FAM174B: variants seen among roughly 807,000 people sequenced by gnomAD.
The protein encoded by FAM174B is membrane protein FAM174B.
FAM174B carries 12 observed loss-of-function variants against 10.9 expected under a neutral mutation model. The observed-to-expected ratio is 1.10, with a 90% CI of 0.71 to 1.79. The LOEUF (loss-of-function observed/expected upper bound fraction) is 1.79, where lower values mean the gene tolerates loss of function less well. Ranked by LOEUF, FAM174B falls within the 40% of genes most tolerant of loss-of-function variation. The probability of loss-of-function intolerance (pLI) is 0.00; values close to 1 mark genes in which losing one functional copy is unlikely to be tolerated. For synonymous variants in FAM174B, 132 were observed against 115.8 expected, an observed-to-expected ratio of 1.14 and a Z score of -0.90; for missense variants, 266 against 233.3, an observed-to-expected ratio of 1.14 and a Z score of -0.91.
At chr15:92,626,181 C>G (rs1017828907) in intron 2 of FAM174B, among the ~76,000 whole-genome samples, 4 of 138,360 alleles carry the variant, frequency 2.9e-5, no homozygotes, top group African/African-American at 1.1e-4. Context: ...TCACTGCAAT[C>G]TCTGCCTCCT....
chr15:92,648,597 C>A (rs285773), intron 1 of FAM174B, among the ~76,000 whole-genome samples: 107,045 of 152,058 alleles, frequency 0.7, 40,348 homozygotes, highest in Non-Finnish European at 0.84. Context: ...CAGTGACCTT[C>A]ACCAAGCCTC....
intron 2 of FAM174B, 57 bp downstream of exon 2, chr15:92,630,157 G>A: frequency 1.9e-6 from 3 of 1,589,380 alleles, no homozygotes; most frequent in Non-Finnish European, 2.6e-6. Flanking sequence ...CTGACCTCGA[G>A]GTCCCACCAA....
intron 2 of FAM174B, among the ~76,000 whole-genome samples, chr15:92,628,605 G>C (rs1015304319): frequency 8.5e-5 from 13 of 152,078 alleles, no homozygotes; most frequent in African/African-American, 3.1e-4. Flanking sequence ...TTTTCAAAGG[G>C]TGCTGCCCTT....
intron 2 of FAM174B, among the ~76,000 whole-genome samples, chr15:92,621,162 G>C (rs1423419240): frequency 6.6e-6 from 1 of 152,176 alleles, no homozygotes; most frequent in Non-Finnish European, 1.5e-5. Flanking sequence ...AAAACCATTT[G>C]TGTGCACACA....
chr15:92,650,233 G>C (rs934837598), intron 1 of FAM174B, among the ~76,000 whole-genome samples: 2 of 152,154 alleles, frequency 1.3e-5, no homozygotes, highest in Admixed American at 6.5e-5. Context: ...AAGTAGGAAA[G>C]TTCTCGTTCC....
At chr15:92,625,795 A>T (rs910191180) in intron 2 of FAM174B, among the ~76,000 whole-genome samples, 2 of 152,248 alleles carry the variant, frequency 1.3e-5, no homozygotes, top group African/African-American at 2.4e-5. Context: ...TTACCTCTGT[A>T]ATAAGAAAAG....
intron 1 of FAM174B, among the ~76,000 whole-genome samples, chr15:92,635,327 G>C (rs189111913): frequency 2.2e-4 from 33 of 152,266 alleles, no homozygotes; most frequent in African/African-American, 7.0e-4. Context: ...TCAACTCTCT[G>C]AAACACAACT....
chr15:92,653,729 G>A (rs540633071), intron 1 of FAM174B, among the ~76,000 whole-genome samples: 14 of 152,250 alleles, frequency 9.2e-5, no homozygotes, highest in Non-Finnish European at 1.5e-4. Context: ...GATGGGAGCT[G>A]GGCCTTGGTG....
intron 2 of FAM174B, 185 bp downstream of exon 2, chr15:92,630,029 A>G: frequency 2.1e-6 from 1 of 480,364 alleles, no homozygotes; most frequent in Non-Finnish European, 3.7e-6. Context: ...AGTCCCAGGT[A>G]TGTCTTTATT....
intron 1 of FAM174B, among the ~76,000 whole-genome samples, chr15:92,654,787 C>CA (rs5814547): frequency 0.49 from 66,902 of 136,836 alleles, 18,011 homozygotes; most frequent in East Asian, 0.72. Flanking sequence ...CTTTCAGTAG[C>CA]AAAAAAAAAA....
Position 92,630,769 on chromosome 15 carries a change from A to C in FAM174B, c.345-424T>G. Among the ~76,000 whole-genome samples, 2 of 135,982 alleles carry C rather than the reference A, an allele frequency of 1.5e-5. 1 individual carries two copies. Among genetic ancestry groups the C allele is most frequent in the Middle Eastern group, 7.8e-3 (2 of 256 alleles). The allele number at this position is 135,982 out of a possible 152,430, so 89.2% of individuals were successfully genotyped here. ...TTTATATTATATAATAATATATAAT[A>C]ATAATATATTTTATATATTACATAT... On this transcript the variant is annotated intron_variant, in intron 1 of 2. Transcript: ENST00000327355.
At chr15:92,619,901 G>T in intron 2 of FAM174B, 1 of 197,770 alleles carries the variant, frequency 5.1e-6, no homozygotes, top group Non-Finnish European at 1.0e-5. Context: ...CCATGGCTGT[G>T]TTCCAGTACA....
At chr15:92,643,064 T>C (rs2050901773) in intron 1 of FAM174B, among the ~76,000 whole-genome samples, 1 of 152,126 alleles carries the variant, frequency 6.6e-6, no homozygotes, top group African/African-American at 2.4e-5. Context: ...GAATGTATTC[T>C]AAAATTGATT....
intron 1 of FAM174B, chr15:92,653,202 C>A (rs552301472): frequency 6.6e-6 from 1 of 152,176 alleles, no homozygotes; most frequent in East Asian, 1.9e-4. Context: ...CCTATGAAGT[C>A]GTAAACTTCT....
rs550901731 is a variant in FAM174B, at chr15:92,617,960, G to A, written c.*1496C>T. On this transcript the variant is annotated 3_prime_UTR_variant, in exon 3 of 3. Coordinates refer to ENST00000327355, the MANE Select transcript of FAM174B (RefSeq NM_207446.3). The stretch of plus-strand genomic sequence containing the variant: ...GGGCTCTGCTCTTTCCTGCAGAGGC[G>A]AAACTGCCTTCCTGGCAGGCGGAGG... The A allele has an allele frequency of 8.2e-6, 3 of 367,680 alleles. No individual in the cohort carries two copies. The highest frequency in any genetic ancestry group is 2.7e-4 in the South Asian group (2 of 7,318). The allele number at this position is 367,680 out of a possible 1,614,324, so 22.8% of individuals were successfully genotyped here. A position where few individuals can be genotyped will look rare whatever the true frequency, so the allele number is the denominator to read the frequency against.
In FAM174B at chr15:92,655,608, G is replaced by A. The variant is rs766764608; in HGVS notation, c.52C>T (p.Leu18Phe). 5.3e-5 allele frequency: 68 copies of A among 1,276,394 alleles called. No individual in the cohort carries two copies. In the Middle Eastern group the frequency reaches 1.2e-3, roughly 23 times the overall value. The allele number at this position is 1,276,394 out of a possible 1,614,324, so 79.1% of individuals were successfully genotyped here. ...APLLPLLLLA[L>F]LAAPAARASR... The stretch of plus-strand genomic sequence containing the variant: ...GCGCGGGCGGCGGGAGCGGCCAGGA[G>A]CGCGAGCAGCAGCAGCGGCAGGAGC... Residue 18 changes from leucine (L) to phenylalanine (F), a missense_variant, in exon 1 of 3, where the codon CTC becomes TTC. Coordinates refer to ENST00000327355, the MANE Select transcript of FAM174B (RefSeq NM_207446.3).
chr15:92,635,204 T>C (rs2050847342), intron 1 of FAM174B, among the ~76,000 whole-genome samples: 1 of 150,938 alleles, frequency 6.6e-6, no homozygotes, highest in Non-Finnish European at 1.5e-5. Context: ...CACACCCTAT[T>C]GATTCTGTTT....
At chr15:92,655,080 T>C in intron 1 of FAM174B, 1 of 398,364 alleles carries the variant, frequency 2.5e-6, no homozygotes. Flanking sequence ...ACCACATATT[T>C]ATTTTATATA....
intron 1 of FAM174B, among the ~76,000 whole-genome samples, chr15:92,642,688 C>G (rs928529312): frequency 5.3e-5 from 8 of 152,198 alleles, no homozygotes; most frequent in African/African-American, 1.9e-4. Context: ...GCCTCTCCTG[C>G]CATGCAGGTT....
Sources: gnomAD v4.1 joint callset for allele counts (sites outside exome capture counted in the v4.1 genomes callset) on GRCh38, gnomAD v4.1.1 for gene constraint, MANE v1.5 for transcripts, NCBI Gene and HGNC (gene_info 2026-07-23, HGNC 2026-07-21) for gene names.